Variants in IPO11 observed in about 807,000 individuals in gnomAD.
IPO11 encodes the protein importin-11.
A neutral mutation model predicts 143.2 loss-of-function variants in IPO11; 66 were observed. The observed-to-expected ratio is 0.46, with a 90% CI of 0.38 to 0.57. The LOEUF (loss-of-function observed/expected upper bound fraction) is 0.57, where lower values mean the gene tolerates loss of function less well. Among genes scored for constraint, IPO11 ranks in the 20% least tolerant of loss-of-function variants. The probability of loss-of-function intolerance (pLI) is 0.00; values close to 1 mark genes in which losing one functional copy is unlikely to be tolerated. For missense variants in IPO11, 1,026 were observed against 1,141.0 expected (o/e 0.90, Z 1.45); for synonymous variants, 385 against 377.8 (o/e 1.02, Z -0.22).
rs533257214 is a variant in IPO11 at position 62,615,299 on chromosome 5, A to G, written c.2764-11855A>G. On this transcript the variant is annotated intron_variant, in intron 29 of 29. Coordinates refer to ENST00000325324, the MANE Select transcript of IPO11 (RefSeq NM_016338.5). ...CCAATAACAAAGAATTATCTACCCA[A>G]TGTTTGATAGTCCCAAGTTTGAGAA... is the stretch of plus-strand genomic sequence containing the variant. Among the ~76,000 whole-genome samples the G allele has an allele frequency of 3.3e-5, 5 of 152,170 alleles. No individual in the cohort carries two copies. The East Asian group carries it at 9.6e-4, about 29-fold the overall frequency.
intron 27 of IPO11, among the ~76,000 whole-genome samples, chr5:62,569,375 G>T (rs1744061529): frequency 6.6e-6 from 1 of 152,118 alleles, no homozygotes; most frequent in South Asian, 2.1e-4. Context: ...CTCTTGTGAA[G>T]GTATTTTCTT....
chr5:62,518,328 C>A (rs1389560745), intron 20 of IPO11, among the ~76,000 whole-genome samples: 1 of 151,864 alleles, frequency 6.6e-6, no homozygotes, highest in Non-Finnish European at 1.5e-5. Flanking sequence ...CCTGTAGTAC[C>A]AGCTACTCAG....
At position 62,484,873 on chromosome 5, in the gene IPO11, C is replaced by T. The variant is rs534167278; in HGVS notation, c.1175-546C>T. ...ATTTTAGTTTTAATACAGGATTGTACTGTACAACATGTCTTTTCTTGTTTT... is the reference window on the plus strand; with the variant it reads ...ATTTTAGTTTTAATACAGGATTGTATTGTACAACATGTCTTTTCTTGTTTT... On this transcript the variant is annotated intron_variant, in intron 11 of 29. Coordinates refer to ENST00000325324, the MANE Select transcript of IPO11 (RefSeq NM_016338.5). Among the ~76,000 whole-genome samples the T allele has an allele frequency of 2.0e-4, 30 of 150,356 alleles. 2 individuals carry two copies. In the South Asian group the frequency reaches 6.1e-3, roughly 30 times the overall value.
rs539516230 is a variant in IPO11, at chr5:62,444,214, T to C, written c.239+1131T>C. 2.0e-4 allele frequency among the ~76,000 whole-genome samples: 30 copies of C among 151,406 alleles called. No homozygotes were observed. In the South Asian group the frequency reaches 6.1e-3, roughly 31 times the overall value. On this transcript the variant is annotated intron_variant, in intron 3 of 29. Coordinates refer to ENST00000325324, the MANE Select transcript of IPO11 (RefSeq NM_016338.5). The stretch of plus-strand genomic sequence containing the variant: ...GGGTTCAGGCCATTCTGCCTCAGCC[T>C]CCCGAGTAGCTGGGACTACAGGTGC...
chr5:62,540,716 CTT>C (rs1160001440), intron 24 of IPO11, among the ~76,000 whole-genome samples: 1 of 152,214 alleles, frequency 6.6e-6, no homozygotes, highest in Non-Finnish European at 1.5e-5. Flanking sequence ...GGGATGATAA[CTT>C]TACCTACTTC....
At chr5:62,442,460 A>G (rs1488889129) in intron 2 of IPO11, among the ~76,000 whole-genome samples, 7 of 152,222 alleles carry the variant, frequency 4.6e-5, no homozygotes, top group Non-Finnish European at 7.3e-5. Context: ...AACAGTTAAC[A>G]TACAACTGAG....
chr5:62,504,418 T>C (rs2112261937), intron 16 of IPO11, among the ~76,000 whole-genome samples: 1 of 152,306 alleles, frequency 6.6e-6, no homozygotes, highest in South Asian at 2.1e-4. Context: ...AAGGACCCAC[T>C]GGATTAAAGG....
intron 27 of IPO11, among the ~76,000 whole-genome samples, chr5:62,586,768 A>AATATATATATATATATATAT (rs56808416): frequency 3.5e-5 from 1 of 28,910 alleles, no homozygotes; most frequent in Non-Finnish European, 6.3e-5. Flanking sequence ...AAAAAAAAAA[A>AATATATATATATATATATAT]ATATATATAT....
chr5:62,452,797 G>C (rs561201467), intron 5 of IPO11, among the ~76,000 whole-genome samples: 3 of 149,338 alleles, frequency 2.0e-5, no homozygotes, highest in Middle Eastern at 3.4e-3. Context: ...CTGTCACCCA[G>C]GGTGTAGTAC....
At chr5:62,427,778 A>T (rs1366336917) in intron 1 of IPO11, among the ~76,000 whole-genome samples, 2 of 152,210 alleles carry the variant, frequency 1.3e-5, no homozygotes, top group African/African-American at 4.8e-5. Flanking sequence ...ATCTGTGGAA[A>T]AATTGTCTTC....
At chr5:62,616,573 A>G (rs1286033877) in intron 29 of IPO11, among the ~76,000 whole-genome samples, 1 of 151,760 alleles carries the variant, frequency 6.6e-6, no homozygotes, top group Non-Finnish European at 1.5e-5. Context: ...TACAAAAATC[A>G]GCTGGGCACG....
At chr5:62,562,904 G>A (rs928572187) in intron 27 of IPO11, among the ~76,000 whole-genome samples, 1 of 152,168 alleles carries the variant, frequency 6.6e-6, no homozygotes, top group African/African-American at 2.4e-5. Context: ...AAAACAGCCC[G>A]ATGAGGTATA....
intron 1 of IPO11, among the ~76,000 whole-genome samples, chr5:62,429,256 A>T (rs903295248): frequency 6.6e-6 from 1 of 152,120 alleles, no homozygotes; most frequent in African/African-American, 2.4e-5. Context: ...TATAAATGGG[A>T]ATCATGCAGC....
rs1459727000 is a variant in IPO11, at chr5:62,628,478, A to G, written c.*1160A>G. On this transcript the variant is annotated 3_prime_UTR_variant, in exon 30 of 30. Transcript: ENST00000325324. ...TACAGTATGTAACTGCGGGAAACCC[A>G]CTGCCCCTTTGTAAGCTGTGGAACC... 1 of 152,628 alleles carries G rather than the reference A, an allele frequency of 6.6e-6. No individual in the cohort carries two copies. Among genetic ancestry groups the G allele is most frequent in the African/African-American group, 2.4e-5 (1 of 41,456 alleles). 9.5% of individuals were successfully genotyped at this position (152,628 alleles called of 1,614,324 possible).
intron 24 of IPO11, among the ~76,000 whole-genome samples, chr5:62,539,731 T>C (rs1742863840): frequency 6.6e-6 from 1 of 152,250 alleles, no homozygotes; most frequent in Non-Finnish European, 1.5e-5. Flanking sequence ...ATCAAACATG[T>C]TGCTTACTAA....
At chr5:62,598,379 GCTTGCTTGCT>G (rs1745306546) in intron 28 of IPO11, among the ~76,000 whole-genome samples, 1 of 48,574 alleles carries the variant, frequency 2.1e-5, no homozygotes, top group Non-Finnish European at 4.1e-5. Flanking sequence ...TAAATTGTTT[GCTTGCTTGCT>G]TGCTTTCTTT....
At chr5:62,532,289 A>G (rs1202231645) in intron 22 of IPO11, among the ~76,000 whole-genome samples, 1 of 152,108 alleles carries the variant, frequency 6.6e-6, no homozygotes, top group Non-Finnish European at 1.5e-5. Context: ...GTATGACACT[A>G]TTTTTAGTGT....
At chr5:62,545,299 G>A (rs1293389962) in intron 24 of IPO11, among the ~76,000 whole-genome samples, 1 of 151,974 alleles carries the variant, frequency 6.6e-6, no homozygotes, top group African/African-American at 2.4e-5. Context: ...ATACCACACA[G>A]CTACAACCAT....
intron 26 of IPO11, among the ~76,000 whole-genome samples, chr5:62,553,230 T>G (rs1369621079): frequency 6.6e-6 from 1 of 152,218 alleles, no homozygotes; most frequent in Non-Finnish European, 1.5e-5. Context: ...TGTTCCTGGC[T>G]TATTTCACTT....
Sources: gnomAD v4.1 joint callset for allele counts (sites outside exome capture counted in the v4.1 genomes callset) on GRCh38, gnomAD v4.1.1 for gene constraint, MANE v1.5 for transcripts, NCBI Gene and HGNC (gene_info 2026-07-23, HGNC 2026-07-21) for gene names.